The following MTAP variants were observed in gnomAD, a reference collection of about 807,000 sequenced individuals.
MTAP encodes S-methyl-5'-thioadenosine phosphorylase.
A neutral mutation model predicts 33.6 loss-of-function variants in MTAP; 33 were observed. The ratio of observed to expected loss-of-function variants is 0.98; its 90% CI spans 0.74 to 1.31. MTAP has a LOEUF of 1.31. Among genes scored for constraint, MTAP ranks in the 40% most tolerant of loss-of-function variants. MTAP has a pLI of 0.00. For missense variants in MTAP, 367 were observed against 360.0 expected (o/e 1.02, Z -0.16); for synonymous variants, 148 against 125.7 (o/e 1.18, Z -1.19).
At chr9:21,841,751 A>G (rs1825251901) in intron 5 of MTAP, among the ~76,000 whole-genome samples, 1 of 152,226 alleles carries the variant, frequency 6.6e-6, no homozygotes, top group Non-Finnish European at 1.5e-5. Flanking sequence ...TCAAGGGATC[A>G]CCCCATGAGA....
Position 21,854,833 on chromosome 9 carries a change from C to T in MTAP, c.653C>T (p.Ala218Val), listed in dbSNP as rs143080527. The change falls in exon 6 of 8, where the codon GCG (alanine) becomes GTG (valine). Residue 218 changes from alanine (A) to valine (V), a missense_variant. Coordinates refer to ENST00000644715, the MANE Select transcript of MTAP (RefSeq NM_002451.4). ...ATTTGTTACGCAAGTATCGCCATGG[C>T]GACAGATTATGACTGCTGGAAGGAG... ...AGICYASIAM[A>V]TDYDCWKEHE... is the part of the protein sequence containing the mutation. The T allele has an allele frequency of 8.0e-5, 129 of 1,614,026 alleles. 1 individual carries two copies. The African/African-American group carries it at 8.7e-4, about 11-fold the overall frequency.
chr9:21,849,146 A>C (rs192459732), intron 5 of MTAP, among the ~76,000 whole-genome samples: 6 of 152,346 alleles, frequency 3.9e-5, no homozygotes, highest in Non-Finnish European at 5.9e-5. Flanking sequence ...TTACAGACCC[A>C]GAACCCCTTG....
chr9:21,873,404 C>T (rs778756880), intron 1 of MTAP, among the ~76,000 whole-genome samples: 16 of 152,098 alleles, frequency 1.1e-4, no homozygotes, highest in Non-Finnish European at 1.6e-4. Flanking sequence ...GCAGTAGTAT[C>T]AAGAGGTAGA....
chr9:21,845,030 CAAA>C (rs35813212), intron 5 of MTAP, among the ~76,000 whole-genome samples: 2 of 121,632 alleles, frequency 1.6e-5, no homozygotes. Flanking sequence ...GACTCCGTCT[CAAA>C]AAAAAAAAAA....
intron 1 of MTAP, among the ~76,000 whole-genome samples, chr9:21,873,103 T>A (rs995034006): frequency 2.0e-5 from 3 of 152,178 alleles, no homozygotes; most frequent in Non-Finnish European, 4.4e-5. Flanking sequence ...TTAATCAGGA[T>A]GTAATAAAAT....
chr9:21,816,705 T>C lies in MTAP; in HGVS notation c.121-9T>C. Reference sequence around the variant, plus strand: ...ACTGAGTTAAATGTCATTTTTTCATTGCATGCAGCCATCTGATGCCTTAAT... The same window carrying C: ...ACTGAGTTAAATGTCATTTTTTCATCGCATGCAGCCATCTGATGCCTTAAT... On this transcript the variant is annotated splice_polypyrimidine_tract_variant and intron_variant, in intron 2 of 7. Coordinates refer to ENST00000644715, the MANE Select transcript of MTAP (RefSeq NM_002451.4). 1.9e-6 allele frequency: 3 copies of C among 1,608,052 alleles called. No individual in the cohort carries two copies. Among genetic ancestry groups the C allele is most frequent in the South Asian group, 2.2e-5 (2 of 89,462 alleles).
At chr9:21,802,895 C>T in intron 1 of MTAP, 114 bp downstream of exon 1, 2 of 1,488,034 alleles carry the variant, frequency 1.3e-6, no homozygotes, top group Non-Finnish European at 1.8e-6. Context: ...TCCCTTGCCG[C>T]CGCGGGGAGG....
chr9:21,911,600 T>A (rs887142140), intron 1 of MTAP, among the ~76,000 whole-genome samples: 8 of 151,964 alleles, frequency 5.3e-5, no homozygotes, highest in African/African-American at 1.9e-4. Context: ...AGACACAACA[T>A]ACCAGAATCT....
chr9:21,843,940 A>G (rs191165009), intron 5 of MTAP, among the ~76,000 whole-genome samples: 1 of 152,326 alleles, frequency 6.6e-6, no homozygotes, highest in Admixed American at 6.5e-5. Context: ...AATACAAAAG[A>G]TAAATGAAAC....
At chr9:21,855,068 T>A (rs1825606735) in intron 6 of MTAP, among the ~76,000 whole-genome samples, 198 bp downstream of exon 6, 1 of 152,182 alleles carries the variant, frequency 6.6e-6, no homozygotes, top group Non-Finnish European at 1.5e-5. Flanking sequence ...TACCCAAGGA[T>A]CAGTAGTGAA....
At chr9:21,918,809 C>T (rs1818737383) in intron 1 of MTAP, among the ~76,000 whole-genome samples, 1 of 152,160 alleles carries the variant, frequency 6.6e-6, no homozygotes, top group Non-Finnish European at 1.5e-5. Flanking sequence ...CTCCTCTTTG[C>T]CTTCTGCCAT....
intron 5 of MTAP, among the ~76,000 whole-genome samples, chr9:21,850,425 G>T (rs868199274): frequency 2.0e-5 from 3 of 152,258 alleles, no homozygotes; most frequent in Non-Finnish European, 2.9e-5. Context: ...ACCCAAAAGG[G>T]TGCCAATTTT....
chr9:21,866,759 G>GA lies in MTAP; in HGVS notation c.*4751dup, dbSNP rs1206058054. 6.6e-6 allele frequency: 1 copy of GA among 152,000 alleles called. No individual in the cohort carries two copies. The highest frequency in any genetic ancestry group is 1.5e-5 in the Non-Finnish European group (1 of 67,968). The allele number at this position is 152,000 out of a possible 1,614,324, so 9.4% of individuals were successfully genotyped here. ...ATTAAGCTTCTCCATTTTTCTTTAA[G>GA]AAAAAATCTGCTGGAATGGCACTGA... On this transcript the variant is annotated 3_prime_UTR_variant, in exon 8 of 8. Coordinates refer to ENST00000644715, the MANE Select transcript of MTAP (RefSeq NM_002451.4).
chr9:21,924,365 T>G (rs1818833130), intron 1 of MTAP, among the ~76,000 whole-genome samples: 1 of 152,232 alleles, frequency 6.6e-6, no homozygotes, highest in South Asian at 2.1e-4. Flanking sequence ...GGCTAATATT[T>G]TTCTGTATCA....
At chr9:21,926,125 A>C (rs1818865689) in intron 1 of MTAP, among the ~76,000 whole-genome samples, 1 of 152,154 alleles carries the variant, frequency 6.6e-6, no homozygotes, top group Non-Finnish European at 1.5e-5. Flanking sequence ...CTTTTCCATT[A>C]ATCCAGAAGT....
Position 21,815,941 on chromosome 9 carries a change from A to T in MTAP, c.120+422A>T, listed in dbSNP as rs1824463761. On this transcript the variant is annotated intron_variant, in intron 2 of 7. Coordinates refer to ENST00000644715, the MANE Select transcript of MTAP (RefSeq NM_002451.4). Reference sequence around the variant, plus strand: ...ACGAAGCGGCATTTGAGTGGAAAGAATTGTTTTGGGGAATTAGAACATACC... The same window carrying T: ...ACGAAGCGGCATTTGAGTGGAAAGATTTGTTTTGGGGAATTAGAACATACC... Among the ~76,000 whole-genome samples the T allele has an allele frequency of 2.0e-5, 3 of 152,194 alleles. No homozygotes were observed. In the South Asian group the frequency reaches 6.2e-4, roughly 32 times the overall value.
At chr9:21,940,372 C>A (rs1316613511), downstream of MTAP, among the ~76,000 whole-genome samples, 1 of 152,148 alleles carries the variant, frequency 6.6e-6, no homozygotes, top group Non-Finnish European at 1.5e-5. Context: ...GCAAACAAAT[C>A]AGTTTTACTG....
At chr9:21,867,599 G>T (rs773344055), downstream of MTAP, among the ~76,000 whole-genome samples, 6 of 152,080 alleles carry the variant, frequency 3.9e-5, no homozygotes, top group Non-Finnish European at 7.4e-5. Flanking sequence ...TCATGAGACA[G>T]ATTGGTCTGT....
intron 1 of MTAP, among the ~76,000 whole-genome samples, chr9:21,901,569 C>G (rs991573546): frequency 6.6e-6 from 1 of 152,046 alleles, no homozygotes; most frequent in South Asian, 2.1e-4. Context: ...AACCTATAAA[C>G]GAGCTTTTAT....
Sources: gnomAD v4.1 joint callset for allele counts (sites outside exome capture counted in the v4.1 genomes callset) on GRCh38, gnomAD v4.1.1 for gene constraint, MANE v1.5 for transcripts, NCBI Gene and HGNC (gene_info 2026-07-23, HGNC 2026-07-21) for gene names.